Variants in COL25A1 observed in about 807,000 individuals in gnomAD.
COL25A1 encodes collagen alpha-1(XXV) chain.
A neutral mutation model predicts 128.4 loss-of-function variants in COL25A1; 103 were observed. The ratio of observed to expected loss-of-function variants is 0.80; its 90% CI spans 0.68 to 0.94. COL25A1 has a LOEUF of 0.94. COL25A1 is among the 40% of genes least tolerant of loss of function. The pLI is 0.00. For missense variants in COL25A1, 745 were observed against 840.0 expected, an observed-to-expected ratio of 0.89 and a Z score of 1.40; for synonymous variants, 279 against 277.2, an observed-to-expected ratio of 1.01 and a Z score of -0.06.
intron 20 of COL25A1, among the ~76,000 whole-genome samples, chr4:108,868,593 GAAGAAAGAAAGAAAAAGA>G (rs1738245396): frequency 7.5e-6 from 1 of 132,942 alleles, no homozygotes; most frequent in Admixed American, 7.7e-5. Context: ...AGGAAGGAAG[GAAGAAAGAAAGAAAAAGA>G]AAGAAAGAAA....
intron 3 of COL25A1, among the ~76,000 whole-genome samples, chr4:109,249,794 G>A (rs72892726): frequency 0.014 from 2,164 of 152,184 alleles, 46 homozygotes; most frequent in African/African-American, 0.05. Context: ...TCAACAAAAG[G>A]TTGTGTTAGC....
chr4:108,875,669 C>G (rs1235307984), intron 19 of COL25A1, among the ~76,000 whole-genome samples: 1 of 152,148 alleles, frequency 6.6e-6, no homozygotes, highest in African/African-American at 2.4e-5. Flanking sequence ...CCTCAAGGAT[C>G]TAGAACTAGA....
chr4:108,961,627 T>TTCTGTTC (rs1553984670), intron 8 of COL25A1, among the ~76,000 whole-genome samples: 6 of 149,080 alleles, frequency 4.0e-5, no homozygotes, highest in Non-Finnish European at 6.0e-5. Flanking sequence ...TTCTGTTCTG[T>TTCTGTTC]TGTTGTGTTG....
At chr4:109,037,295 T>G (rs932068959) in intron 5 of COL25A1, among the ~76,000 whole-genome samples, 1 of 152,242 alleles carries the variant, frequency 6.6e-6, no homozygotes, top group Admixed American at 6.5e-5. Context: ...AAGTGGTGAC[T>G]CGGCCACTTT....
intron 20 of COL25A1, among the ~76,000 whole-genome samples, chr4:108,864,734 T>G (rs1050306134): frequency 6.6e-6 from 1 of 152,212 alleles, no homozygotes; most frequent in Non-Finnish European, 1.5e-5. Flanking sequence ...GAGTAGGGTT[T>G]ATTTCATAAT....
At chr4:109,061,780 C>T (rs540543176) in intron 3 of COL25A1, among the ~76,000 whole-genome samples, 2 of 152,316 alleles carry the variant, frequency 1.3e-5, no homozygotes, top group East Asian at 3.9e-4. Context: ...CAGATTCATA[C>T]TGACAGGCAA....
intron 3 of COL25A1, among the ~76,000 whole-genome samples, chr4:109,086,102 C>T (rs1250634594): frequency 1.3e-5 from 2 of 152,164 alleles, no homozygotes; most frequent in African/African-American, 2.4e-5. Flanking sequence ...AAGAAGCTCC[C>T]AGTACTACAC....
chr4:109,287,826 G>A (rs981346482), intron 3 of COL25A1, among the ~76,000 whole-genome samples: 2 of 152,214 alleles, frequency 1.3e-5, no homozygotes, highest in African/African-American at 2.4e-5. Context: ...AGGCCGAGCT[G>A]TTTGAGGAGC....
At chr4:108,943,559 T>C (rs1365359030) in intron 8 of COL25A1, among the ~76,000 whole-genome samples, 1 of 152,188 alleles carries the variant, frequency 6.6e-6, no homozygotes, top group Non-Finnish European at 1.5e-5. Flanking sequence ...GGATTTATGG[T>C]CACACTCTGC....
intron 3 of COL25A1, among the ~76,000 whole-genome samples, chr4:109,269,873 G>A (rs946985242): frequency 6.6e-6 from 1 of 152,148 alleles, no homozygotes; most frequent in Admixed American, 6.6e-5. Flanking sequence ...TATCCACCAT[G>A]ATCAAGTGGG....
chr4:109,283,445 A>G (rs1415517729), intron 3 of COL25A1, among the ~76,000 whole-genome samples: 1 of 150,910 alleles, frequency 6.6e-6, no homozygotes, highest in Admixed American at 6.6e-5. Context: ...TTTTTTTTTT[A>G]AGAGAAAGGG....
chr4:109,290,317 C>T (rs185653875), intron 3 of COL25A1, among the ~76,000 whole-genome samples: 57 of 152,060 alleles, frequency 3.7e-4, no homozygotes, highest in African/African-American at 1.1e-3. Flanking sequence ...TATAGCATTC[C>T]TCATATAGAA....
intron 3 of COL25A1, among the ~76,000 whole-genome samples, chr4:109,280,807 G>A (rs967588829): frequency 1.3e-5 from 2 of 151,714 alleles, no homozygotes; most frequent in African/African-American, 2.4e-5. Context: ...CACCACACCC[G>A]ACTAATTTTT....
At chr4:109,189,547 CAAAAAAA>C (rs33989375) in intron 3 of COL25A1, among the ~76,000 whole-genome samples, 42 of 53,606 alleles carry the variant, frequency 7.8e-4, no homozygotes, top group Non-Finnish European at 6.7e-4. Context: ...GACTCCATCT[CAAAAAAA>C]AAAAAAAAAA....
chr4:108,982,023 G>A (rs1320293905), intron 6 of COL25A1, among the ~76,000 whole-genome samples: 1 of 151,848 alleles, frequency 6.6e-6, no homozygotes, highest in Non-Finnish European at 1.5e-5. Context: ...GTGAAACCTC[G>A]TCTCTACTAA....
intron 24 of COL25A1, among the ~76,000 whole-genome samples, chr4:108,858,923 G>A (rs1213431013): frequency 6.6e-6 from 1 of 152,146 alleles, no homozygotes; most frequent in South Asian, 2.1e-4. Flanking sequence ...GAGTCCAGTG[G>A]ACTTGACATA....
chr4:108,857,780 T>C (rs1040443248), intron 24 of COL25A1, among the ~76,000 whole-genome samples: 5 of 152,176 alleles, frequency 3.3e-5, no homozygotes, highest in African/African-American at 1.2e-4. Flanking sequence ...GAATGAAGTA[T>C]ACTTATTCAA....
chr4:108,967,966 A>G (rs977968603), intron 8 of COL25A1, among the ~76,000 whole-genome samples: 2 of 152,192 alleles, frequency 1.3e-5, no homozygotes, highest in Non-Finnish European at 2.9e-5. Context: ...ATGCGTGGTG[A>G]CCGACAGCAC....
chr4:109,181,925 C>T (rs1431593058), intron 3 of COL25A1, among the ~76,000 whole-genome samples: 2 of 151,964 alleles, frequency 1.3e-5, no homozygotes, highest in Non-Finnish European at 2.9e-5. Context: ...TTTTCAGATT[C>T]GACATGTAAG....
Sources: gnomAD v4.1 joint callset for allele counts (sites outside exome capture counted in the v4.1 genomes callset) on GRCh38, gnomAD v4.1.1 for gene constraint, MANE v1.5 for transcripts, NCBI Gene and HGNC (gene_info 2026-07-23, HGNC 2026-07-21) for gene names.